Variants in PPARG observed in about 807,000 individuals in gnomAD.
PPARG encodes peroxisome proliferator activated receptor gamma, also known as peroxisome proliferator-activated receptor gamma.
In PPARG, 17 loss-of-function variants were observed where a neutral mutation model predicts 39.2. That is an observed-to-expected ratio of 0.43 (90% CI 0.30 to 0.65). The LOEUF is 0.65. Among genes scored for constraint, PPARG ranks in the 30% least tolerant of loss-of-function variants. PPARG has a pLI of 0.13. For missense variants in PPARG, 406 were observed against 585.9 expected, an observed-to-expected ratio of 0.69 and a Z score of 3.17; for synonymous variants, 223 against 215.7, an observed-to-expected ratio of 1.03 and a Z score of -0.30.
intron 2 of PPARG, among the ~76,000 whole-genome samples, chr3:12,362,241 A>T (rs1275196922): frequency 6.6e-6 from 1 of 152,110 alleles, no homozygotes; most frequent in South Asian, 2.1e-4. Flanking sequence ...AGTCTGCCTA[A>T]CATGGTGGCT....
At position 12,302,702 on chromosome 3, in the gene PPARG, G is replaced by C. The variant is rs1026130086; in HGVS notation, c.-82-9678G>C. On this transcript the variant is annotated intron_variant, in intron 1 of 7. Transcript: ENST00000651735. ...AGTGAGAAACATGGTTGGAAGTGTA[G>C]ATTTTAGGCCAGATGATAAAAGGTC... Among the ~76,000 whole-genome samples, 12 of 152,198 alleles carry C rather than the reference G, an allele frequency of 7.9e-5. 1 individual carries two copies. Among genetic ancestry groups the C allele is most frequent in the Admixed American group, 5.9e-4 (9 of 15,278 alleles).
At chr3:12,349,326 C>G (rs2048415050) in intron 2 of PPARG, among the ~76,000 whole-genome samples, 1 of 152,180 alleles carries the variant, frequency 6.6e-6, no homozygotes, top group Admixed American at 6.5e-5. Flanking sequence ...GCTCATCTAT[C>G]TTTATTTTCA....
At chr3:12,401,633 T>G (rs1340297866) in intron 5 of PPARG, among the ~76,000 whole-genome samples, 2 of 147,774 alleles carry the variant, frequency 1.4e-5, no homozygotes, top group African/African-American at 2.5e-5. Context: ...AAAAAAAAAG[T>G]AGGCAAATAA....
chr3:12,294,746 A>G (rs767878269), intron 1 of PPARG, among the ~76,000 whole-genome samples: 1 of 152,142 alleles, frequency 6.6e-6, no homozygotes, highest in Non-Finnish European at 1.5e-5. Context: ...AATACAAATT[A>G]GCTCGGCATG....
intron 7 of PPARG, among the ~76,000 whole-genome samples, chr3:12,427,158 C>T (rs1238540432): frequency 1.7e-5 from 2 of 117,054 alleles, no homozygotes; most frequent in African/African-American, 3.4e-5. Context: ...TTTTTCCTAT[C>T]GGTAGGATGG....
intron 5 of PPARG, among the ~76,000 whole-genome samples, chr3:12,397,940 G>T (rs896333493): frequency 2.0e-5 from 3 of 151,986 alleles, no homozygotes; most frequent in African/African-American, 7.3e-5. Context: ...CCTGCATTTT[G>T]CTGTTCCTGG....
chr3:12,288,677 G>T (rs1020667964), upstream of PPARG, among the ~76,000 whole-genome samples: 2 of 152,132 alleles, frequency 1.3e-5, no homozygotes, highest in Non-Finnish European at 2.9e-5. Flanking sequence ...CGAGGGGCGC[G>T]CTTGTAGCTG....
intron 2 of PPARG, among the ~76,000 whole-genome samples, chr3:12,347,729 A>G (rs929127236): frequency 2.0e-5 from 3 of 152,192 alleles, no homozygotes; most frequent in African/African-American, 4.8e-5. Context: ...AATGGATGCT[A>G]TTATCAGTTC....
At chr3:12,397,054 G>A (rs1356198133) in intron 5 of PPARG, among the ~76,000 whole-genome samples, 1 of 151,826 alleles carries the variant, frequency 6.6e-6, no homozygotes, top group African/African-American at 2.4e-5. Context: ...ATTCAGTTAG[G>A]TTTTCTCTAT....
chr3:12,375,072 G>T (rs111509182), intron 2 of PPARG, among the ~76,000 whole-genome samples: 262 of 152,178 alleles, frequency 1.7e-3, no homozygotes, highest in Middle Eastern at 3.4e-3. Flanking sequence ...CGACCCCTAG[G>T]GATATGACTT....
chr3:12,392,155 G>A (rs1575105181), intron 4 of PPARG, among the ~76,000 whole-genome samples: 2 of 152,138 alleles, frequency 1.3e-5, no homozygotes, highest in African/African-American at 4.8e-5. Context: ...TTATCCACAT[G>A]TGGATTTTTA....
At chr3:12,324,486 A>G (rs532070299) in intron 2 of PPARG, among the ~76,000 whole-genome samples, 3 of 152,266 alleles carry the variant, frequency 2.0e-5, no homozygotes, top group African/African-American at 7.2e-5. Context: ...AAGAAATCTC[A>G]AAAAACAAAG....
chr3:12,405,245 C>CA (rs2050617920), intron 5 of PPARG, among the ~76,000 whole-genome samples: 1 of 152,344 alleles, frequency 6.6e-6, no homozygotes, highest in South Asian at 2.1e-4. Context: ...ACCCTACAGG[C>CA]AGCCAGTTTG....
At chr3:12,380,519 T>G (rs753070235) in intron 3 of PPARG, among the ~76,000 whole-genome samples, 35 of 152,326 alleles carry the variant, frequency 2.3e-4, no homozygotes, top group Middle Eastern at 3.4e-3. Context: ...ATAAAATGTA[T>G]TTCTGTGATG....
At chr3:12,334,617 A>G (rs1026277272) in intron 2 of PPARG, among the ~76,000 whole-genome samples, 23 of 152,138 alleles carry the variant, frequency 1.5e-4, no homozygotes. Context: ...GAACCTCCTC[A>G]GTTTTCAACA....
At chr3:12,318,858 G>A (rs1041866169) in intron 2 of PPARG, among the ~76,000 whole-genome samples, 2 of 149,642 alleles carry the variant, frequency 1.3e-5, no homozygotes, top group African/African-American at 4.9e-5. Flanking sequence ...TACTGTTCTA[G>A]TTTTTTTTTT....
At chr3:12,421,250 C>A (rs2051250041) in intron 7 of PPARG, among the ~76,000 whole-genome samples, 1 of 152,210 alleles carries the variant, frequency 6.6e-6, no homozygotes, top group Non-Finnish European at 1.5e-5. Context: ...TTCACTATAT[C>A]CCTAAGGTAG....
intron 5 of PPARG, among the ~76,000 whole-genome samples, chr3:12,400,474 T>A (rs1453569388): frequency 6.6e-6 from 1 of 152,238 alleles, no homozygotes; most frequent in Admixed American, 6.5e-5. Context: ...TATAAAGGAA[T>A]GCCAATATGC....
intron 1 of PPARG, among the ~76,000 whole-genome samples, chr3:12,311,869 A>C (rs939881105): frequency 6.6e-5 from 10 of 152,242 alleles, no homozygotes; most frequent in African/African-American, 2.4e-4. Flanking sequence ...GGTGTGGCAC[A>C]CAACTGTACT....
Sources: gnomAD v4.1 joint callset for allele counts (sites outside exome capture counted in the v4.1 genomes callset) on GRCh38, gnomAD v4.1.1 for gene constraint, MANE v1.5 for transcripts, NCBI Gene and HGNC (gene_info 2026-07-23, HGNC 2026-07-21) for gene names.